Variants in DYNC1I2 observed in about 807,000 individuals in gnomAD.
DYNC1I2 encodes the protein dynein cytoplasmic 1 intermediate chain 2.
A neutral mutation model predicts 88.6 loss-of-function variants in DYNC1I2; 53 were observed. The ratio of observed to expected loss-of-function variants is 0.60; its 90% CI spans 0.48 to 0.75. The LOEUF (loss-of-function observed/expected upper bound fraction) is 0.75. Ranked by LOEUF, DYNC1I2 falls within the 30% of genes least tolerant of loss-of-function variation. The pLI is 0.00. For missense variants in DYNC1I2, 458 were observed against 766.6 expected, an observed-to-expected ratio of 0.60 and a Z score of 4.75; for synonymous variants, 198 against 254.6, an observed-to-expected ratio of 0.78 and a Z score of 2.12.
chr2:171,695,467 G>T (rs1685698461), intron 3 of DYNC1I2, among the ~76,000 whole-genome samples: 1 of 151,998 alleles, frequency 6.6e-6, no homozygotes, highest in Non-Finnish European at 1.5e-5. Flanking sequence ...ATATCTCTGT[G>T]TATATATACT....
At chr2:171,745,772 A>T in intron 16 of DYNC1I2, 30 bp from the exon 17 acceptor site, 1 of 1,603,972 alleles carries the variant, frequency 6.2e-7, no homozygotes, top group Admixed American at 1.7e-5. Flanking sequence ...TGAAACTTTT[A>T]ACACTGTCCT....
chr2:171,734,565 T>C (rs2105736845), intron 15 of DYNC1I2, among the ~76,000 whole-genome samples: 1 of 152,290 alleles, frequency 6.6e-6, no homozygotes, highest in Admixed American at 6.5e-5. Flanking sequence ...GCCCCCAACA[T>C]CCCTCCAGTG....
intron 2 of DYNC1I2, among the ~76,000 whole-genome samples, chr2:171,690,937 C>T (rs1216101860): frequency 3.9e-5 from 6 of 151,984 alleles, no homozygotes; most frequent in African/African-American, 1.4e-4. Flanking sequence ...ATTACAGGCA[C>T]GAGCCACCAC....
At chr2:171,719,203 G>C (rs1018804787) in intron 7 of DYNC1I2, among the ~76,000 whole-genome samples, 1 of 53,096 alleles carries the variant, frequency 1.9e-5, no homozygotes, top group African/African-American at 4.0e-5. Flanking sequence ...ATACCATGGA[G>C]CTATCCTTAA....
In DYNC1I2 at chr2:171,692,882, G is replaced by T; in HGVS notation, c.214G>T (p.Glu72Ter). ...ALLQSMGLTP[E>*]SPIVFSEYWV... The stretch of plus-strand genomic sequence containing the variant: ...GCTTCAAAGCATGGGGCTAACTCCA[G>T]AATCCCCCATTGGTAAGGTTAAGAA... Residue 72 changes from glutamate (E) to a stop codon, truncating the protein, a stop_gained, in exon 3 of 18, where the codon GAA becomes TAA. Coordinates refer to ENST00000397119, the MANE Select transcript of DYNC1I2 (RefSeq NM_001378.3). LOFTEE classifies it high-confidence loss of function. The T allele has an allele frequency of 6.3e-7, 1 of 1,598,754 alleles. No individual in the cohort carries two copies. Among genetic ancestry groups the T allele is most frequent in the Middle Eastern group, 1.7e-4 (1 of 6,042 alleles).
At chr2:171,707,161 G>C (rs74744991) in intron 4 of DYNC1I2, 126 bp from the exon 5 acceptor site, 1 of 1,363,622 alleles carries the variant, frequency 7.3e-7, no homozygotes, top group Admixed American at 2.1e-5. Flanking sequence ...ATATATTTTT[G>C]ATTTTTGGTT....
chr2:171,729,255 A>G (rs1688449715), intron 14 of DYNC1I2, among the ~76,000 whole-genome samples: 1 of 152,156 alleles, frequency 6.6e-6, no homozygotes, highest in Non-Finnish European at 1.5e-5. Flanking sequence ...TCACATACAT[A>G]TTTTAAACTG....
At chr2:171,708,046 ACTT>A (rs763508499) in intron 5 of DYNC1I2, among the ~76,000 whole-genome samples, 23 of 141,854 alleles carry the variant, frequency 1.6e-4, no homozygotes, top group Non-Finnish European at 1.4e-4. Flanking sequence ...AAGTATTACT[ACTT>A]ATTCCTCTTT....
intron 1 of DYNC1I2, chr2:171,688,125 G>C (rs1685105908): frequency 6.6e-6 from 1 of 152,360 alleles, no homozygotes; most frequent in South Asian, 2.1e-4. Flanking sequence ...CGGACGCCCT[G>C]CCGTGGACCG....
In DYNC1I2 at chr2:171,692,770, AT is replaced by A; in HGVS notation, c.109-3del. On this transcript the variant is annotated splice_region_variant and splice_polypyrimidine_tract_variant and intron_variant, in intron 2 of 17. Transcript: ENST00000397119. ...GTAAACATAAGTTTTTAACCTAAAC[AT>A]TTTAGACAGACCAGAAGAAGGAAGC... is the stretch of plus-strand genomic sequence containing the variant. The A allele has an allele frequency of 6.3e-7, 1 of 1,583,060 alleles. No individual in the cohort carries two copies. The highest frequency in any genetic ancestry group is 8.6e-7 in the Non-Finnish European group (1 of 1,167,336).
intron 4 of DYNC1I2, 24 bp from the exon 5 acceptor site, chr2:171,707,263 A>G: frequency 6.2e-7 from 1 of 1,613,780 alleles, no homozygotes; most frequent in Non-Finnish European, 8.5e-7. Context: ...GTAACAGCGG[A>G]TACCTGTCTA....
rs61079902 is a variant in DYNC1I2 at position 171,733,459 on chromosome 2, C to CTTTTTTTTTTTTTTTTTTTTTTTTTTT, written c.1536+3610_1536+3636dup. 4.3e-4 allele frequency among the ~76,000 whole-genome samples: 24 copies of CTTTTTTTTTTTTTTTTTTTTTTTTTTT among 55,804 alleles called. 5 individuals are homozygous for CTTTTTTTTTTTTTTTTTTTTTTTTTTT. Among genetic ancestry groups the CTTTTTTTTTTTTTTTTTTTTTTTTTTT allele is most frequent in the Non-Finnish European group, 6.0e-4 (19 of 31,496 alleles). 36.6% of individuals were successfully genotyped at this position (55,804 alleles called of 152,430 possible). On this transcript the variant is annotated intron_variant, in intron 15 of 17. Transcript: ENST00000397119. ...TTTTTCTCCACAACCTTGCCAGCAT[C>CTTTTTTTTTTTTTTTTTTTTTTTTTTT]TTTTTTTTTTTTTTTTTTTTTTTTT... is the stretch of plus-strand genomic sequence containing the variant.
chr2:171,727,352 C>A (rs1688322255), intron 11 of DYNC1I2, among the ~76,000 whole-genome samples: 1 of 152,074 alleles, frequency 6.6e-6, no homozygotes, highest in African/African-American at 2.4e-5. Context: ...AAGTAGAAAA[C>A]AGATGCAGAT....
At chr2:171,707,905 G>A (rs2105546993) in intron 5 of DYNC1I2, among the ~76,000 whole-genome samples, 1 of 152,310 alleles carries the variant, frequency 6.6e-6, no homozygotes, top group South Asian at 2.1e-4. Flanking sequence ...TTACTGTCAA[G>A]CATTCCTGAA....
At chr2:171,736,767 T>C (rs1388494914) in intron 15 of DYNC1I2, among the ~76,000 whole-genome samples, 1 of 152,180 alleles carries the variant, frequency 6.6e-6, no homozygotes, top group East Asian at 1.9e-4. Context: ...TAGAAAGATA[T>C]TTCTGACCTT....
At chr2:171,706,920 C>A in intron 4 of DYNC1I2, 1 of 411,478 alleles carries the variant, frequency 2.4e-6, no homozygotes, top group Non-Finnish European at 4.3e-6. Context: ...TATTTATAAT[C>A]TGGTGATATT....
At chr2:171,710,480 A>G (rs1344277165) in intron 5 of DYNC1I2, among the ~76,000 whole-genome samples, 1 of 152,216 alleles carries the variant, frequency 6.6e-6, no homozygotes, top group African/African-American at 2.4e-5. Flanking sequence ...GTAGGAATAG[A>G]TAAGACATTA....
At position 171,726,391 on chromosome 2, in the gene DYNC1I2, A is replaced by G. The variant is rs189123828; in HGVS notation, c.870+98A>G. 9.0e-3 allele frequency: 7,193 copies of G among 803,198 alleles called. 41 individuals carry two copies. The highest frequency in any genetic ancestry group is 0.011 in the Non-Finnish European group (5,640 of 516,892). 49.8% of individuals were successfully genotyped at this position (803,198 alleles called of 1,614,324 possible). ...TATGGGAATTTTGTATAATAAATCA[A>G]TATGTGTTATTTAAAATTAATGGAT... On this transcript the variant is annotated intron_variant, in intron 10 of 17. Coordinates refer to ENST00000397119, the MANE Select transcript of DYNC1I2 (RefSeq NM_001378.3).
intron 8 of DYNC1I2, 94 bp downstream of exon 8, chr2:171,725,807 AATAAGTG>A: frequency 7.8e-7 from 1 of 1,284,042 alleles, no homozygotes; most frequent in Non-Finnish European, 1.1e-6. Flanking sequence ...CTGTAAATCA[AATAAGTG>A]AATCTGATTG....
Sources: gnomAD v4.1 joint callset for allele counts (sites outside exome capture counted in the v4.1 genomes callset) on GRCh38, gnomAD v4.1.1 for gene constraint, MANE v1.5 for transcripts, NCBI Gene and HGNC (gene_info 2026-07-23, HGNC 2026-07-21) for gene names.